Variants in IQUB observed in about 807,000 individuals in gnomAD.
IQUB encodes the protein IQ motif and ubiquitin domain containing.
In IQUB, 86 loss-of-function variants were observed where a neutral mutation model predicts 86.4. The observed-to-expected ratio is 1.00, with a 90% CI of 0.84 to 1.19. IQUB has a LOEUF of 1.19. Among genes scored for constraint, IQUB ranks in the 50% most tolerant of loss-of-function variants. IQUB has a pLI of 0.00. For synonymous variants in IQUB, 289 were observed against 304.5 expected (o/e 0.95, Z 0.53); for missense variants, 946 against 916.9 (o/e 1.03, Z -0.41).
Position 123,461,481 on chromosome 7 carries a change from C to T in IQUB, c.1883G>A (p.Cys628Tyr). The T allele has an allele frequency of 6.2e-7, 1 of 1,612,368 alleles. No individual in the cohort carries two copies. The highest frequency in any genetic ancestry group is 2.2e-5 in the East Asian group (1 of 44,832). The change falls in exon 11 of 13, where the codon TGC becomes TAC. Residue 628 changes from cysteine (C) to tyrosine (Y), a missense_variant. Physicochemically the swap from Cys to Tyr is radical, Grantham distance 194. Coordinates refer to ENST00000324698, the MANE Select transcript of IQUB (RefSeq NM_178827.5). ...TTGAGCCTCATTCTGAAGGTTAATG[C>T]AGTTACGACACCGGTATATGCGGCG... ...TSRRIYRCRN[C>Y]INLQNEAQKR... is the part of the protein sequence containing the mutation.
In IQUB at chr7:123,496,771, T is replaced by C; in HGVS notation, c.1159A>G (p.Ile387Val). 6.2e-7 allele frequency: 1 copy of C among 1,612,078 alleles called. No individual in the cohort carries two copies. The highest frequency in any genetic ancestry group is 8.5e-7 in the Non-Finnish European group (1 of 1,178,640). ...TGCCTCCGGTGATAGTCCAATTTTATCCATTCTTCTTTTTCTCTTATCTTC... is the reference window on the plus strand; with the variant it reads ...TGCCTCCGGTGATAGTCCAATTTTACCCATTCTTCTTTTTCTCTTATCTTC... ...LRKIREKEEW[I>V]KLDYHRRHNP... The change falls in exon 7 of 13, where the codon ATA (isoleucine) becomes GTA (valine). Residue 387 changes from isoleucine (I) to valine (V), a missense_variant. Transcript: ENST00000324698.
chr7:123,461,840 T>C (rs990582639), intron 10 of IQUB, among the ~76,000 whole-genome samples: 1 of 151,834 alleles, frequency 6.6e-6, no homozygotes, highest in African/African-American at 2.4e-5. Context: ...CTGTTATTCA[T>C]CAGTTCTTAG....
chr7:123,474,860 T>A (rs985163987), intron 8 of IQUB, among the ~76,000 whole-genome samples: 1 of 152,230 alleles, frequency 6.6e-6, no homozygotes. Flanking sequence ...AACTGGTTTA[T>A]CAGCTGGGGT....
chr7:123,523,814 T>C (rs1343271557), intron 1 of IQUB, among the ~76,000 whole-genome samples: 1 of 152,168 alleles, frequency 6.6e-6, no homozygotes, highest in Non-Finnish European at 1.5e-5. Context: ...CTAGGTTTTC[T>C]TGTAGGGTTT....
chr7:123,511,868 A>C, intron 2 of IQUB, 76 bp downstream of exon 2: 6 of 1,188,236 alleles, frequency 5.0e-6, no homozygotes, highest in Non-Finnish European at 7.0e-6. Flanking sequence ...ATCTTTAAGC[A>C]AAAATAAGCC....
intron 2 of IQUB, 105 bp downstream of exon 2, chr7:123,511,839 A>T: frequency 1.2e-6 from 1 of 807,594 alleles, no homozygotes; most frequent in Non-Finnish European, 1.9e-6. Context: ...AAGGGAAAGG[A>T]ATATCAAATA....
At chr7:123,513,840 G>A (rs971240414) in intron 1 of IQUB, among the ~76,000 whole-genome samples, 1 of 152,058 alleles carries the variant, frequency 6.6e-6, no homozygotes, top group Non-Finnish European at 1.5e-5. Context: ...GTAGAGATGG[G>A]GTTTTGCCAT....
chr7:123,527,977 C>T (rs186687854), intron 1 of IQUB, among the ~76,000 whole-genome samples: 60 of 152,336 alleles, frequency 3.9e-4, no homozygotes, highest in African/African-American at 1.4e-3. Context: ...ACTCCGTGGG[C>T]GTAGGACCCT....
intron 7 of IQUB, among the ~76,000 whole-genome samples, chr7:123,488,655 C>CA (rs1795326516): frequency 6.6e-6 from 1 of 152,116 alleles, no homozygotes; most frequent in Non-Finnish European, 1.5e-5. Context: ...TCAGTACACT[C>CA]AAAAAATACC....
intron 8 of IQUB, among the ~76,000 whole-genome samples, chr7:123,469,949 G>A (rs1326446907): frequency 6.6e-6 from 1 of 152,174 alleles, no homozygotes; most frequent in Non-Finnish European, 1.5e-5. Flanking sequence ...GTGCTGGGCT[G>A]TGGTTCCTGC....
intron 8 of IQUB, among the ~76,000 whole-genome samples, chr7:123,473,145 G>T (rs1794606024): frequency 6.6e-6 from 1 of 152,124 alleles, no homozygotes; most frequent in African/African-American, 2.4e-5. Flanking sequence ...CACAAATTAA[G>T]AATAGCCCTA....
Position 123,496,839 on chromosome 7 carries a change from T to G in IQUB, c.1091A>C (p.Gln364Pro). The change falls in exon 7 of 13, where the codon CAG becomes CCG. Residue 364 changes from glutamine to proline, a missense_variant. Gln to Pro is a moderately conservative substitution (Grantham distance 76). Coordinates refer to ENST00000324698, the MANE Select transcript of IQUB (RefSeq NM_178827.5). ...TTCCCATTCCAGTCTTAAGCTTTTC[T>G]GTCTTCTTAAATTCTCTACGAAGAT... ...AKIFVENLRR[Q>P]KSLRLEWETQ... 10 of 1,612,786 alleles carry G rather than the reference T, an allele frequency of 6.2e-6. No individual in the cohort carries two copies. Among genetic ancestry groups the G allele is most frequent in the Non-Finnish European group, 8.5e-6 (10 of 1,179,438 alleles).
At position 123,511,698 on chromosome 7, in the gene IQUB, T is replaced by A. The variant is rs1003438694; in HGVS notation, c.397+246A>T. On this transcript the variant is annotated intron_variant, in intron 2 of 12. Coordinates refer to ENST00000324698, the MANE Select transcript of IQUB (RefSeq NM_178827.5). Reference sequence around the variant, plus strand: ...AAAACCTACTTTCTTTGAAAAAATGTATAAATATCAATTTTTAAATTTAAT... The same window carrying A: ...AAAACCTACTTTCTTTGAAAAAATGAATAAATATCAATTTTTAAATTTAAT... Among the ~76,000 whole-genome samples the A allele has an allele frequency of 2.6e-5, 4 of 152,318 alleles. No homozygotes were observed. In the East Asian group the frequency reaches 7.7e-4, roughly 29 times the overall value.
At chr7:123,460,437 A>G (rs2116961331) in intron 11 of IQUB, among the ~76,000 whole-genome samples, 1 of 152,028 alleles carries the variant, frequency 6.6e-6, no homozygotes, top group South Asian at 2.1e-4. Flanking sequence ...AAAGTTTTCT[A>G]TTCATAGTAG....
At chr7:123,525,440 G>A (rs925600443) in intron 1 of IQUB, among the ~76,000 whole-genome samples, 1 of 152,152 alleles carries the variant, frequency 6.6e-6, no homozygotes, top group African/African-American at 2.4e-5. Context: ...GAGAGTGTAT[G>A]TGTCCAGGAA....
In IQUB at chr7:123,503,227, T is replaced by C. The variant is rs200284947; in HGVS notation, c.669A>G (p.Gln223=). 1.2e-6 allele frequency: 2 copies of C among 1,611,962 alleles called. No individual in the cohort carries two copies. The highest frequency in any genetic ancestry group is 2.2e-5 in the East Asian group (1 of 44,796). The change falls in exon 4 of 13, where the codon CAA becomes CAG. Residue 223 remains glutamine, a synonymous_variant. Transcript: ENST00000324698. ...RRIDGLTDVS[Q]IITVTVQTGL... ...CAGTTTGGACAGTGACAGTTATGAT[T>C]TGAGAGACATCAGTTAATCCATCTA...
chr7:123,510,734 G>A (rs745661562), intron 2 of IQUB, among the ~76,000 whole-genome samples: 2 of 152,058 alleles, frequency 1.3e-5, no homozygotes, highest in Non-Finnish European at 2.9e-5. Context: ...TCAATAACAT[G>A]ACAAAATTTA....
chr7:123,464,048 CTAAA>C (rs1418217058), intron 10 of IQUB, among the ~76,000 whole-genome samples: 2 of 151,576 alleles, frequency 1.3e-5, no homozygotes, highest in Non-Finnish European at 3.0e-5. Flanking sequence ...GAAGTTTTGA[CTAAA>C]TATGAGAATT....
intron 8 of IQUB, among the ~76,000 whole-genome samples, chr7:123,477,286 A>G (rs1315974785): frequency 6.6e-6 from 1 of 152,194 alleles, no homozygotes; most frequent in Non-Finnish European, 1.5e-5. Flanking sequence ...ATAACACGAC[A>G]CATCCACAAC....
Sources: allele counts gnomAD v4.1 joint callset (sites outside exome capture counted in the v4.1 genomes callset), GRCh38; gene constraint gnomAD v4.1.1; transcripts MANE v1.5; gene names NCBI Gene and HGNC (gene_info 2026-07-23, HGNC 2026-07-21).